Variants in LRTM3 observed in about 807,000 individuals in gnomAD.
LRTM3 encodes the protein leucine rich repeat transmembrane protein 3, also known as leucine-rich repeat transmembrane protein 3.
At chr13:102,730,562 T>G in the LRTM3 span, 1 of 1,551,962 alleles carries the variant, frequency 6.4e-7, no homozygotes, top group Non-Finnish European at 8.7e-7. Context: ...TTGAGTATCT[T>G]TCTTCCTCGG....
the LRTM3 span, chr13:102,750,315 T>A: frequency 6.5e-7 from 1 of 1,546,208 alleles, no homozygotes; most frequent in Non-Finnish European, 8.8e-7. Context: ...AATAAAATTC[T>A]ATCTTCAAAG....
chr13:102,745,427 T>A, the LRTM3 span: 1 of 1,550,908 alleles, frequency 6.4e-7, no homozygotes, highest in Non-Finnish European at 8.7e-7. Context: ...CAGGAAAGCA[T>A]ATGTTTCATC....
the LRTM3 span, chr13:102,742,096 T>C: frequency 1.3e-6 from 2 of 1,550,512 alleles, no homozygotes; most frequent in Non-Finnish European, 1.7e-6. Context: ...CCATTTTTAC[T>C]TCTGTAAGCT....
chr13:102,729,880 T>C, the LRTM3 span: 1 of 1,552,072 alleles, frequency 6.4e-7, no homozygotes, highest in Non-Finnish European at 8.7e-7. Flanking sequence ...TTTCTTGGCT[T>C]TCTGGGTGCC....
chr13:102,731,661 C>A, the LRTM3 span: 1 of 1,551,450 alleles, frequency 6.4e-7, no homozygotes, highest in Non-Finnish European at 8.7e-7. Context: ...GCTTTGGTTG[C>A]TTCACAAATG....
chr13:102,749,767 A>C, the LRTM3 span: 4 of 1,551,372 alleles, frequency 2.6e-6, no homozygotes, highest in Non-Finnish European at 3.5e-6. Flanking sequence ...GGACTTCATA[A>C]AGACCTTGAT....
At chr13:102,757,843 A>G in the LRTM3 span, among the ~76,000 whole-genome samples, 1 of 152,324 alleles carries the variant, frequency 6.6e-6, no homozygotes, top group Non-Finnish European at 1.5e-5. Context: ...AACAGAGACT[A>G]TATTATGGTT....
the LRTM3 span, chr13:102,742,045 C>A: frequency 6.4e-7 from 1 of 1,550,412 alleles, no homozygotes. Context: ...CCAGCTTTGG[C>A]TGTGGAAGAA....
At chr13:102,747,246 T>C in the LRTM3 span, 1 of 1,550,176 alleles carries the variant, frequency 6.5e-7, no homozygotes, top group Non-Finnish European at 8.7e-7. Flanking sequence ...TACATTCTAG[T>C]ATTAGGCAAA....
the LRTM3 span, chr13:102,737,009 T>C: frequency 3.2e-6 from 5 of 1,551,130 alleles, no homozygotes; most frequent in Non-Finnish European, 4.4e-6. Context: ...CACATCCAGT[T>C]CACTTTTTCT....
At chr13:102,751,325 C>A in the LRTM3 span, among the ~76,000 whole-genome samples, 5 of 145,756 alleles carry the variant, frequency 3.4e-5, no homozygotes, top group Non-Finnish European at 6.0e-5. Context: ...AAATAACTGT[C>A]TTACTCTCTC....
At chr13:102,733,950 G>C in the LRTM3 span, 1 of 1,551,270 alleles carries the variant, frequency 6.4e-7, no homozygotes, top group Non-Finnish European at 8.7e-7. Flanking sequence ...GTTCGCTGTG[G>C]ACAAGATGAT....
the LRTM3 span, chr13:102,745,809 G>A: frequency 3.2e-6 from 5 of 1,551,188 alleles, no homozygotes; most frequent in Admixed American, 7.8e-5. Context: ...AACCTAACAT[G>A]ACTCTCTACC....
chr13:102,756,847 C>T, the LRTM3 span, among the ~76,000 whole-genome samples: 1 of 152,096 alleles, frequency 6.6e-6, no homozygotes, highest in African/African-American at 2.4e-5. Context: ...ACCTCTTCTT[C>T]TCCATGAATT....
At chr13:102,745,658 C>A in the LRTM3 span, 4 of 1,550,878 alleles carry the variant, frequency 2.6e-6, no homozygotes, top group Non-Finnish European at 3.5e-6. Flanking sequence ...AGCAGGCATG[C>A]AGGAACCAAA....
At chr13:102,732,704 C>T in the LRTM3 span, 1 of 1,550,944 alleles carries the variant, frequency 6.4e-7, no homozygotes, top group African/African-American at 1.4e-5. Flanking sequence ...GTCCATTCTT[C>T]CTCTCTCCTT....
chr13:102,743,172 C>G, the LRTM3 span: 8 of 1,550,538 alleles, frequency 5.2e-6, no homozygotes, highest in Admixed American at 5.9e-5. Context: ...CTTTCTCTAT[C>G]ATGTAGTTTT....
chr13:102,731,511 A>G, the LRTM3 span: 1 of 1,551,368 alleles, frequency 6.4e-7, no homozygotes, highest in Non-Finnish European at 8.7e-7. Context: ...GTTTTGGGAT[A>G]TATTGCTGTT....
At chr13:102,741,621 C>T in the LRTM3 span, 1 of 1,550,300 alleles carries the variant, frequency 6.5e-7, no homozygotes, top group African/African-American at 1.4e-5. Flanking sequence ...ATAGAAATAT[C>T]TTCTTGTTTC....
Sources: allele counts gnomAD v4.1 joint callset (sites outside exome capture counted in the v4.1 genomes callset), GRCh38; gene constraint gnomAD v4.1.1; transcripts MANE v1.5; gene names NCBI Gene and HGNC (gene_info 2026-07-23, HGNC 2026-07-21).